Variants in VPS13B observed in about 807,000 individuals in gnomAD.
VPS13B encodes the protein intermembrane lipid transfer protein VPS13B.
In VPS13B, 285 loss-of-function variants were observed where a neutral mutation model predicts 426.4. The ratio of observed to expected loss-of-function variants is 0.67; its 90% confidence interval spans 0.61 to 0.74. VPS13B has a LOEUF of 0.74. VPS13B is among the 30% of genes least tolerant of loss of function. The pLI, the probability that VPS13B is intolerant of heterozygous loss-of-function variation, is 0.00. For missense variants in VPS13B, 4,537 were observed against 4,782.6 expected (o/e 0.95, Z 1.51); for synonymous variants, 1,676 against 1,676.4 (o/e 1.00, Z 0.01).
chr8:99,340,436 A>C, intron 19 of VPS13B: 3 of 481,522 alleles, frequency 6.2e-6, no homozygotes, highest in Non-Finnish European at 1.2e-5. Flanking sequence ...TGTTTCAATA[A>C]AGCCTTCAGA....
chr8:99,647,934 G>A (rs973214140), intron 34 of VPS13B, among the ~76,000 whole-genome samples: 1 of 152,156 alleles, frequency 6.6e-6, no homozygotes, highest in Non-Finnish European at 1.5e-5. Context: ...ATAATGAAGA[G>A]CCCAAAAGTG....
At chr8:99,034,404 T>G (rs1473359345) in intron 2 of VPS13B, among the ~76,000 whole-genome samples, 1 of 130,882 alleles carries the variant, frequency 7.6e-6, no homozygotes, top group Non-Finnish European at 1.6e-5. Context: ...AGTCAGGAGA[T>G]TATAAGTCTG....
At chr8:99,635,606 ATTGTAT>A (rs1438085280) in intron 33 of VPS13B, among the ~76,000 whole-genome samples, 1 of 152,000 alleles carries the variant, frequency 6.6e-6, no homozygotes, top group East Asian at 1.9e-4. Context: ...CAAAACAAAA[ATTGTAT>A]TTGTTTTTGT....
chr8:99,289,950 A>G (rs960522501), intron 19 of VPS13B, among the ~76,000 whole-genome samples: 6 of 152,088 alleles, frequency 3.9e-5, no homozygotes, highest in African/African-American at 9.7e-5. Context: ...TTATTTGGGC[A>G]AGTGTCATTA....
At chr8:99,281,745 A>G (rs1332158664) in intron 19 of VPS13B, among the ~76,000 whole-genome samples, 1 of 152,204 alleles carries the variant, frequency 6.6e-6, no homozygotes, top group Admixed American at 6.5e-5. Flanking sequence ...GTCCCTGACA[A>G]TTCTTGACAC....
chr8:99,520,389 TTGTG>T (rs140216567), intron 29 of VPS13B, among the ~76,000 whole-genome samples: 3,500 of 138,536 alleles, frequency 0.025, 82 homozygotes, highest in African/African-American at 0.063. Context: ...GTGATATACT[TTGTG>T]TGTGTGTGTG....
At chr8:99,702,487 T>C (rs1349361361) in intron 36 of VPS13B, among the ~76,000 whole-genome samples, 1 of 152,178 alleles carries the variant, frequency 6.6e-6, no homozygotes, top group Admixed American at 6.5e-5. Context: ...AGCCATCTGC[T>C]GTACAGATGT....
intron 4 of VPS13B, among the ~76,000 whole-genome samples, chr8:99,097,051 A>G (rs936700961): frequency 6.6e-6 from 1 of 152,160 alleles, no homozygotes; most frequent in Non-Finnish European, 1.5e-5. Context: ...AGTGATACAT[A>G]TTCCTCTGAT....
At chr8:99,774,008 T>C (rs1811630629) in intron 40 of VPS13B, among the ~76,000 whole-genome samples, 2 of 152,224 alleles carry the variant, frequency 1.3e-5, no homozygotes, top group Admixed American at 1.3e-4. Context: ...CTCATATTTA[T>C]GACTATTTAG....
intron 21 of VPS13B, among the ~76,000 whole-genome samples, chr8:99,427,390 A>G (rs1440446397): frequency 2.3e-4 from 33 of 144,468 alleles, no homozygotes; most frequent in Non-Finnish European, 2.4e-4. Flanking sequence ...TTGACTTGGC[A>G]ATGCGGGCTC....
At chr8:99,721,090 A>G (rs1192520652) in intron 39 of VPS13B, 43 bp downstream of exon 39, 1 of 1,599,744 alleles carries the variant, frequency 6.3e-7, no homozygotes, top group Non-Finnish European at 8.6e-7. Context: ...CATTGTGGGA[A>G]AGGGCTGATC....
chr8:99,676,675 C>A (rs546246110), intron 35 of VPS13B, among the ~76,000 whole-genome samples: 5 of 151,812 alleles, frequency 3.3e-5, no homozygotes, highest in Non-Finnish European at 5.9e-5. Flanking sequence ...CACCTCATTT[C>A]TTTAGCTCTT....
intron 3 of VPS13B, among the ~76,000 whole-genome samples, chr8:99,042,592 C>T (rs1270363827): frequency 3.3e-5 from 5 of 152,220 alleles, no homozygotes; most frequent in African/African-American, 9.6e-5. Flanking sequence ...TTCTGTTTCC[C>T]ATAAGCACGG....
At chr8:99,629,043 C>T (rs74571217) in intron 33 of VPS13B, among the ~76,000 whole-genome samples, 6,448 of 152,194 alleles carry the variant, frequency 0.042, 151 homozygotes, top group East Asian at 0.06. Context: ...GTATTATAGG[C>T]ATGAGCCACT....
chr8:99,172,936 A>G (rs956256324), intron 16 of VPS13B, among the ~76,000 whole-genome samples: 1 of 152,044 alleles, frequency 6.6e-6, no homozygotes, highest in Non-Finnish European at 1.5e-5. Flanking sequence ...TCTTTCTTTT[A>G]TTTAATCAAA....
chr8:99,443,917 A>G (rs1666261090), intron 23 of VPS13B, among the ~76,000 whole-genome samples: 1 of 152,072 alleles, frequency 6.6e-6, no homozygotes, highest in Non-Finnish European at 1.5e-5. Flanking sequence ...TGTCTGCACC[A>G]TTTTATAATA....
intron 54 of VPS13B, among the ~76,000 whole-genome samples, chr8:99,844,616 C>T (rs1011409763): frequency 9.5e-4 from 145 of 152,130 alleles, no homozygotes; most frequent in South Asian, 1.9e-3. Flanking sequence ...GCAATCCGCC[C>T]GCCTCAGCCT....
At chr8:99,275,034 G>T in intron 18 of VPS13B, 47 bp from the exon 19 acceptor site, 2 of 1,470,570 alleles carry the variant, frequency 1.4e-6, no homozygotes, top group South Asian at 2.6e-5. Flanking sequence ...ATTCTCAAGT[G>T]ACTCATGTTT....
intron 43 of VPS13B, among the ~76,000 whole-genome samples, chr8:99,806,128 T>C (rs1813385878): frequency 6.6e-6 from 1 of 152,210 alleles, no homozygotes; most frequent in African/African-American, 2.4e-5. Flanking sequence ...TGCTCACTTA[T>C]AGGGAAGATA....
Sources: gnomAD v4.1 joint callset for allele counts (sites outside exome capture counted in the v4.1 genomes callset) on GRCh38, gnomAD v4.1.1 for gene constraint, MANE v1.5 for transcripts, NCBI Gene and HGNC (gene_info 2026-07-23, HGNC 2026-07-21) for gene names.